TLE4: variants seen among roughly 807,000 people sequenced by gnomAD.
The protein encoded by TLE4 is transducin-like enhancer protein 4.
A neutral mutation model predicts 92.8 loss-of-function variants in TLE4; 8 were observed. The ratio of observed to expected loss-of-function variants is 0.09; its 90% CI spans 0.05 to 0.16. TLE4 has a LOEUF of 0.16. Among genes scored for constraint, TLE4 ranks in the 10% least tolerant of loss-of-function variants. The probability of loss-of-function intolerance (pLI) is 1.00; values close to 1 mark genes in which losing one functional copy is unlikely to be tolerated. For missense variants in TLE4, 675 were observed against 997.6 expected, an observed-to-expected ratio of 0.68 and a Z score of 4.36; for synonymous variants, 371 against 374.1, an observed-to-expected ratio of 0.99 and a Z score of 0.10.
intron 6 of TLE4, among the ~76,000 whole-genome samples, chr9:79,640,711 C>T (rs1212938872): frequency 6.6e-6 from 1 of 152,138 alleles, no homozygotes; most frequent in African/African-American, 2.4e-5. Flanking sequence ...ACAACCCTAA[C>T]TGAAGTTATC....
At chr9:79,659,278 A>T (rs905152359) in intron 8 of TLE4, among the ~76,000 whole-genome samples, 3 of 152,248 alleles carry the variant, frequency 2.0e-5, no homozygotes, top group Non-Finnish European at 4.4e-5. Context: ...GCAACTAGGT[A>T]CAAGAGCTAT....
chr9:79,720,121 A>G lies in TLE4; in HGVS notation c.1666A>G (p.Thr556Ala). 1.2e-6 allele frequency: 2 copies of G among 1,614,162 alleles called. No individual in the cohort carries two copies. The highest frequency in any genetic ancestry group is 1.7e-6 in the Non-Finnish European group (2 of 1,180,026). ...RTLIVGGEAS[T>A]LSIWDLAAPT... ...CCTAATTGTTGGAGGGGAAGCCAGTACTTTGTCCATTTGGGACCTGGCGGC... is the reference window on the plus strand; with the variant it reads ...CCTAATTGTTGGAGGGGAAGCCAGTGCTTTGTCCATTTGGGACCTGGCGGC... The change falls in exon 16 of 20, where the codon ACT (threonine) becomes GCT (alanine). Residue 556 changes from threonine (T) to alanine (A), a missense_variant. This residue lies in a region of TLE4 where 170 missense variants were observed against 359.6 expected (regional missense o/e 0.47). Coordinates refer to ENST00000376552, the MANE Select transcript of TLE4 (RefSeq NM_007005.6).
intron 8 of TLE4, among the ~76,000 whole-genome samples, chr9:79,669,257 A>T (rs1177729009): frequency 6.6e-6 from 1 of 152,116 alleles, no homozygotes; most frequent in African/African-American, 2.4e-5. Flanking sequence ...AGTTTATCTA[A>T]ATAGGTCTAT....
chr9:79,646,175 T>A (rs1181325774), intron 6 of TLE4, among the ~76,000 whole-genome samples: 1 of 152,226 alleles, frequency 6.6e-6, no homozygotes, highest in Non-Finnish European at 1.5e-5. Flanking sequence ...TACATTTCCC[T>A]TCCTTTTGGT....
chr9:79,601,868 A>G, intron 4 of TLE4, among the ~76,000 whole-genome samples: 1 of 152,230 alleles, frequency 6.6e-6, no homozygotes, highest in East Asian at 1.9e-4. Flanking sequence ...AAAGCCAATG[A>G]GCCAAAAGCT....
intron 4 of TLE4, among the ~76,000 whole-genome samples, chr9:79,595,467 G>A (rs924816459): frequency 4.6e-5 from 7 of 152,108 alleles, no homozygotes; most frequent in African/African-American, 1.2e-4. Flanking sequence ...GTAGTTAACC[G>A]TTATCTTTTT....
chr9:79,666,738 A>G (rs928381553), intron 8 of TLE4, among the ~76,000 whole-genome samples: 2 of 152,232 alleles, frequency 1.3e-5, no homozygotes, highest in African/African-American at 4.8e-5. Flanking sequence ...TTTAGGGGAA[A>G]AAAATGCTGC....
intron 13 of TLE4, 82 bp downstream of exon 13, chr9:79,708,868 G>A: frequency 6.8e-7 from 1 of 1,467,262 alleles, no homozygotes; most frequent in Non-Finnish European, 9.1e-7. Context: ...GTCTCGCTCT[G>A]TCACCCAGCC....
intron 4 of TLE4, among the ~76,000 whole-genome samples, chr9:79,588,326 T>C (rs2041710276): frequency 6.6e-6 from 1 of 152,024 alleles, no homozygotes; most frequent in South Asian, 2.1e-4. Context: ...TTTTTTGTAT[T>C]TTTAGTAGAG....
chr9:79,576,041 G>A, intron 3 of TLE4, 92 bp from the exon 4 acceptor site: 1 of 838,430 alleles, frequency 1.2e-6, no homozygotes, highest in Non-Finnish European at 1.7e-6. Context: ...AGGCTTTTAT[G>A]TTTGTTTCAG....
chr9:79,679,999 A>G (rs956091638), intron 8 of TLE4, among the ~76,000 whole-genome samples: 2 of 151,762 alleles, frequency 1.3e-5, no homozygotes, highest in African/African-American at 2.4e-5. Flanking sequence ...TACCAGTACC[A>G]TGCTGTTTTG....
At chr9:79,586,948 TTG>T (rs2041261817) in intron 4 of TLE4, among the ~76,000 whole-genome samples, 1 of 152,214 alleles carries the variant, frequency 6.6e-6, no homozygotes, top group South Asian at 2.1e-4. Context: ...TTCCCTTTTT[TTG>T]TGTGGGTTAG....
At chr9:79,589,852 A>G (rs1162283203) in intron 4 of TLE4, among the ~76,000 whole-genome samples, 3 of 152,136 alleles carry the variant, frequency 2.0e-5, no homozygotes, top group African/African-American at 7.2e-5. Context: ...TCTTATTGCA[A>G]AGTAGCCCTT....
rs1565247191 is a variant in TLE4 at position 79,725,187 on chromosome 9, C to CT, written c.*46dup. On this transcript the variant is annotated 3_prime_UTR_variant, in exon 20 of 20. Transcript: ENST00000376552. ...GACTGGACTTCTCCTCCTGGTAGCA[C>CT]TTTGCTCTGTCATCCTTTTTGTTCA... 6.9e-7 allele frequency: 1 copy of CT among 1,446,906 alleles called. No homozygotes were observed. The highest frequency in any genetic ancestry group is 1.1e-5 in the South Asian group (1 of 86,968). The allele number at this position is 1,446,906 out of a possible 1,614,324, so 89.6% of individuals were successfully genotyped here.
intron 5 of TLE4, among the ~76,000 whole-genome samples, chr9:79,616,727 G>A (rs1313738361): frequency 1.3e-5 from 2 of 152,062 alleles, no homozygotes; most frequent in African/African-American, 4.8e-5. Context: ...ATTGCTTCCA[G>A]TATCCCAGTA....
intron 8 of TLE4, among the ~76,000 whole-genome samples, chr9:79,678,747 A>T (rs1181335531): frequency 6.6e-6 from 1 of 151,692 alleles, no homozygotes; most frequent in East Asian, 1.9e-4. Flanking sequence ...CATTAGGTAT[A>T]TGTCCTAATG....
At chr9:79,583,366 G>A (rs2040210230) in intron 4 of TLE4, among the ~76,000 whole-genome samples, 1 of 152,174 alleles carries the variant, frequency 6.6e-6, no homozygotes, top group African/African-American at 2.4e-5. Flanking sequence ...CTGGTGAGTG[G>A]ATCGCACTGT....
intron 8 of TLE4, among the ~76,000 whole-genome samples, chr9:79,662,065 A>G (rs550501741): frequency 1.5e-4 from 23 of 152,260 alleles, no homozygotes; most frequent in South Asian, 1.2e-3. Context: ...TGCATCCACT[A>G]AATGTTCGTG....
chr9:79,624,056 G>A (rs1172083902), intron 5 of TLE4, among the ~76,000 whole-genome samples: 1 of 152,014 alleles, frequency 6.6e-6, no homozygotes, highest in Non-Finnish European at 1.5e-5. Flanking sequence ...ACAGATTGGG[G>A]AGGGGAGGGA....
Sources: gnomAD v4.1 joint callset for allele counts (sites outside exome capture counted in the v4.1 genomes callset) on GRCh38, gnomAD v4.1.1 for gene constraint, gnomAD v4.1.1 regional missense constraint, MANE v1.5 for transcripts, NCBI Gene and HGNC (gene_info 2026-07-23, HGNC 2026-07-21) for gene names.